EDNRB: variants seen among roughly 807,000 people sequenced by gnomAD.
The protein encoded by EDNRB is endothelin receptor type B, also known as Hirschsprung disease 2.
EDNRB carries 18 observed loss-of-function variants against 46.4 expected under a neutral mutation model. The ratio of observed to expected loss-of-function variants is 0.39; its 90% CI spans 0.27 to 0.57. EDNRB has a LOEUF of 0.57. Ranked by LOEUF, EDNRB falls within the 20% of genes least tolerant of loss-of-function variation. The pLI, the probability that EDNRB is intolerant of heterozygous loss-of-function variation, is 0.61. For synonymous variants in EDNRB, 213 were observed against 204.9 expected, an observed-to-expected ratio of 1.04 and a Z score of -0.34; for missense variants, 434 against 537.5, an observed-to-expected ratio of 0.81 and a Z score of 1.90.
In EDNRB at chr13:77,958,513, T is replaced by C. The variant is rs1170222495; in HGVS notation, c.-52+16834A>G. Among the ~76,000 whole-genome samples, 7 of 152,154 alleles carry C rather than the reference T, an allele frequency of 4.6e-5. No individual in the cohort carries two copies. In the South Asian group the frequency reaches 1.2e-3, roughly 27 times the overall value. On this transcript the variant is annotated intron_variant, in intron 1 of 7. Coordinates refer to the EDNRB transcript ENST00000646948. ...TCAGCCTCCAGAGTAGCTGGGACTA[T>C]GGGCACCCACCACCACACCTGGCCA...
chr13:77,962,088 T>C (rs898146727), intron 1 of EDNRB, among the ~76,000 whole-genome samples: 1 of 152,132 alleles, frequency 6.6e-6, no homozygotes, highest in Non-Finnish European at 1.5e-5. Flanking sequence ...AGGAAGAAGT[T>C]AAATCCCTGA....
upstream of EDNRB, among the ~76,000 whole-genome samples, chr13:77,922,848 A>G (rs1322885602): frequency 6.6e-6 from 1 of 152,152 alleles, no homozygotes; most frequent in African/African-American, 2.4e-5. Flanking sequence ...TTGAAAATTC[A>G]TTTATTCTTT....
chr13:77,900,065 T>A (rs1174495704), intron 5 of EDNRB, 98 bp from the exon 6 acceptor site: 2 of 935,982 alleles, frequency 2.1e-6, no homozygotes, highest in Non-Finnish European at 3.4e-6. Context: ...AAAATGCCAA[T>A]ATACAATGGT....
At chr13:77,902,859 A>ATTT (rs1338705172) in intron 3 of EDNRB, among the ~76,000 whole-genome samples, 4 of 151,950 alleles carry the variant, frequency 2.6e-5, no homozygotes, top group Admixed American at 2.0e-4. Context: ...GGCACCAAAC[A>ATTT]TTTTACTTCT....
At chr13:77,942,011 A>G (rs118121837) in intron 1 of EDNRB, among the ~76,000 whole-genome samples, 1 of 152,280 alleles carries the variant, frequency 6.6e-6, no homozygotes, top group East Asian at 1.9e-4. Context: ...CTGACCTGCA[A>G]ATGTTCTGCC....
At chr13:77,942,665 C>T (rs1307374744) in intron 1 of EDNRB, among the ~76,000 whole-genome samples, 5 of 152,062 alleles carry the variant, frequency 3.3e-5, no homozygotes, top group African/African-American at 1.2e-4. Flanking sequence ...TTAGAAATAA[C>T]TGTATTTACC....
upstream of EDNRB, among the ~76,000 whole-genome samples, chr13:77,921,480 A>C (rs557724073): frequency 1.4e-4 from 21 of 152,302 alleles, no homozygotes; most frequent in African/African-American, 4.1e-4. Flanking sequence ...AGTGAAACTG[A>C]GTCTCAGTAA....
chr13:77,966,018 A>T (rs764836670), intron 1 of EDNRB, among the ~76,000 whole-genome samples: 3 of 152,130 alleles, frequency 2.0e-5, no homozygotes, highest in Non-Finnish European at 2.9e-5. Context: ...CTAAGACTGC[A>T]GGTGTGTGTC....
intron 1 of EDNRB, among the ~76,000 whole-genome samples, chr13:77,926,319 T>C (rs1371700822): frequency 6.6e-6 from 1 of 152,224 alleles, no homozygotes; most frequent in Non-Finnish European, 1.5e-5. Context: ...TCTAAACTCT[T>C]ATGCTCTGTT....
intron 1 of EDNRB, among the ~76,000 whole-genome samples, chr13:77,970,504 C>T (rs1881698112): frequency 1.3e-5 from 2 of 152,040 alleles, no homozygotes; most frequent in South Asian, 4.2e-4. Context: ...GAATGGGGGT[C>T]TGGTATCCTT....
intron 1 of EDNRB, among the ~76,000 whole-genome samples, chr13:77,964,698 A>G (rs1881529968): frequency 1.3e-5 from 2 of 152,214 alleles, no homozygotes; most frequent in African/African-American, 4.8e-5. Flanking sequence ...TAATGGGTGT[A>G]GCACACCAAC....
chr13:77,928,454 T>A (rs1880300045), intron 1 of EDNRB, among the ~76,000 whole-genome samples: 2 of 152,220 alleles, frequency 1.3e-5, no homozygotes, highest in African/African-American at 4.8e-5. Flanking sequence ...TTCATGATAC[T>A]ATTTTTTTGG....
rs1309855230 is a variant in EDNRB at position 77,960,802 on chromosome 13, T to A, written c.-52+14545A>T. On this transcript the variant is annotated intron_variant, in intron 1 of 7. Coordinates refer to the EDNRB transcript ENST00000646948. ...CTGTATTCAGGAGACCCATCTCACGTGCAGAGACACACATAGGCTCAAAAT... is the reference window on the plus strand; with the variant it reads ...CTGTATTCAGGAGACCCATCTCACGAGCAGAGACACACATAGGCTCAAAAT... Among the ~76,000 whole-genome samples the A allele has an allele frequency of 6.8e-5, 10 of 148,130 alleles. 1 individual carries two copies. Among genetic ancestry groups the A allele is most frequent in the Non-Finnish European group, 1.0e-4 (7 of 67,628 alleles).
chr13:77,965,796 T>C (rs1418694167), intron 1 of EDNRB, among the ~76,000 whole-genome samples: 1 of 152,114 alleles, frequency 6.6e-6, no homozygotes, highest in Non-Finnish European at 1.5e-5. Flanking sequence ...TGAAAAGGGG[T>C]TCTTAAAATG....
At chr13:77,916,709 TTTACA>T (rs1158166160) in intron 1 of EDNRB, among the ~76,000 whole-genome samples, 1 of 152,176 alleles carries the variant, frequency 6.6e-6, no homozygotes, top group Non-Finnish European at 1.5e-5. Context: ...ATTTCCCAAC[TTTACA>T]TTCCATTTTT....
chr13:77,920,466 T>C (rs978469170), upstream of EDNRB, among the ~76,000 whole-genome samples: 45 of 152,172 alleles, frequency 3.0e-4, no homozygotes, highest in African/African-American at 9.4e-4. Flanking sequence ...AAGCACCCAT[T>C]CCATGTAGCA....
At chr13:77,943,742 T>C (rs2137667299) in intron 1 of EDNRB, among the ~76,000 whole-genome samples, 1 of 152,182 alleles carries the variant, frequency 6.6e-6, no homozygotes, top group South Asian at 2.1e-4. Flanking sequence ...TTCTATTGGC[T>C]TTTTCACCTT....
chr13:77,910,905 G>A (rs545204035), intron 1 of EDNRB, among the ~76,000 whole-genome samples: 94 of 152,048 alleles, frequency 6.2e-4, no homozygotes, highest in African/African-American at 2.1e-3. Flanking sequence ...AAATCTCTAA[G>A]AGAAACATAG....
chr13:77,927,825 T>C (rs914118381), intron 1 of EDNRB, among the ~76,000 whole-genome samples: 3 of 152,220 alleles, frequency 2.0e-5, no homozygotes, highest in Non-Finnish European at 2.9e-5. Flanking sequence ...AATCTCACCA[T>C]GAATTATAAT....
Sources: allele counts gnomAD v4.1 joint callset (sites outside exome capture counted in the v4.1 genomes callset), GRCh38; gene constraint gnomAD v4.1.1; transcripts MANE v1.5; gene names NCBI Gene and HGNC (gene_info 2026-07-23, HGNC 2026-07-21).